The following CDS2 variants were observed in gnomAD, a reference collection of about 807,000 sequenced individuals.
CDS2 encodes phosphatidate cytidylyltransferase 2.
In CDS2, 47 loss-of-function variants were observed where a neutral mutation model predicts 59.0. That is an observed-to-expected ratio of 0.80 (90% CI 0.63 to 1.02). The LOEUF is 1.02. Among genes scored for constraint, CDS2 ranks in the 50% least tolerant of loss-of-function variants. The probability of loss-of-function intolerance (pLI) is 0.00; values close to 1 mark genes in which losing one functional copy is unlikely to be tolerated. For missense variants in CDS2, 356 were observed against 558.9 expected (o/e 0.64, Z 3.66); for synonymous variants, 207 against 206.4 (o/e 1.00, Z -0.02).
At chr20:5,136,066 G>A (rs919279818) in intron 1 of CDS2, among the ~76,000 whole-genome samples, 18 of 152,200 alleles carry the variant, frequency 1.2e-4, no homozygotes, top group East Asian at 3.9e-4. Context: ...TGGGATTTAC[G>A]GGCAACACTC....
In CDS2 at chr20:5,189,723, T is replaced by C; in HGVS notation, c.1102-12T>C. ...AGCCCAAGTTCACCCATCCTTCCCC[T>C]GCCTCTAACAGGACTTTGCCAATAC... On this transcript the variant is annotated splice_polypyrimidine_tract_variant and intron_variant, in intron 11 of 12. Transcript: ENST00000460006. 2 of 1,608,218 alleles carry C rather than the reference T, an allele frequency of 1.2e-6. No homozygotes were observed. Among genetic ancestry groups the C allele is most frequent in the Non-Finnish European group, 1.7e-6 (2 of 1,175,212 alleles).
At chr20:5,186,662 C>T (rs751479274) in intron 9 of CDS2, 25 bp from the exon 10 acceptor site, 29 of 1,611,582 alleles carry the variant, frequency 1.8e-5, no homozygotes, top group African/African-American at 9.3e-5. Context: ...ACTTCCTTGC[C>T]GGTCTCTCTG....
intron 1 of CDS2, among the ~76,000 whole-genome samples, chr20:5,149,890 A>G (rs1238154958): frequency 1.3e-5 from 2 of 151,266 alleles, no homozygotes; most frequent in African/African-American, 2.4e-5. Context: ...TAATTTTTAT[A>G]TTTGTAGTAG....
At position 5,190,084 on chromosome 20, in the gene CDS2, C is replaced by G; in HGVS notation, c.1206-18C>G. On this transcript the variant is annotated intron_variant, in intron 12 of 12. Transcript: ENST00000460006. ...TCCGGGCCCTAGCTCAGTGCTGTTT[C>G]TTCACATTCTGTTCCAGAGGCCCTA... 6.2e-7 allele frequency: 1 copy of G among 1,613,202 alleles called. No homozygotes were observed. Among genetic ancestry groups the G allele is most frequent in the Non-Finnish European group, 8.5e-7 (1 of 1,179,214 alleles).
At chr20:5,133,658 A>T (rs2090625747) in intron 1 of CDS2, among the ~76,000 whole-genome samples, 1 of 152,072 alleles carries the variant, frequency 6.6e-6, no homozygotes, top group Admixed American at 6.6e-5. Context: ...CTCCTGAGTA[A>T]CTGGGATTAC....
intron 12 of CDS2, 118 bp downstream of exon 12, chr20:5,189,956 G>A: frequency 7.4e-7 from 1 of 1,352,198 alleles, no homozygotes; most frequent in Non-Finnish European, 1.0e-6. Flanking sequence ...GTTTTCAGTT[G>A]TTTCTGCTTA....
chr20:5,135,685 T>C (rs904373173), intron 1 of CDS2, among the ~76,000 whole-genome samples: 2 of 152,182 alleles, frequency 1.3e-5, no homozygotes, highest in African/African-American at 2.4e-5. Flanking sequence ...CTGATATTTG[T>C]TCTCATGTTG....
chr20:5,167,933 C>G (rs1157802568), intron 1 of CDS2, among the ~76,000 whole-genome samples: 2 of 152,126 alleles, frequency 1.3e-5, no homozygotes, highest in Non-Finnish European at 2.9e-5. Flanking sequence ...AGGCATAACC[C>G]ACCAGTGCCT....
intron 1 of CDS2, among the ~76,000 whole-genome samples, chr20:5,142,354 G>C (rs2122971917): frequency 6.6e-6 from 1 of 152,158 alleles, no homozygotes; most frequent in Admixed American, 6.5e-5. Context: ...GGTTGAGGCA[G>C]GATAATCGCT....
chr20:5,145,822 G>GGTTTTTTTTTTTTTTTTTTT (rs773575866), intron 1 of CDS2, among the ~76,000 whole-genome samples: 1 of 129,264 alleles, frequency 7.7e-6, no homozygotes, highest in South Asian at 2.5e-4. Flanking sequence ...TGCTTTTTGT[G>GGTTTTTTTTTTTTTTTTTTT]TTTTTTTTTT....
chr20:5,136,050 G>A (rs1487001166), intron 1 of CDS2, among the ~76,000 whole-genome samples: 2 of 152,162 alleles, frequency 1.3e-5, no homozygotes, highest in Non-Finnish European at 2.9e-5. Context: ...GAGAGTTCCT[G>A]GGACTTGGGA....
intron 1 of CDS2, among the ~76,000 whole-genome samples, chr20:5,136,733 C>G (rs1185502312): frequency 5.3e-5 from 8 of 152,082 alleles, no homozygotes; most frequent in Non-Finnish European, 1.2e-4. Context: ...AGAATTCTGG[C>G]TCTTTTTCAT....
intron 4 of CDS2, among the ~76,000 whole-genome samples, chr20:5,177,193 T>A (rs943841483): frequency 6.6e-6 from 1 of 152,118 alleles, no homozygotes; most frequent in Non-Finnish European, 1.5e-5. Flanking sequence ...TTTTTCTAGA[T>A]CAGTATATTT....
In CDS2 at chr20:5,130,797, G is replaced by GAA. The variant is rs1393314303; in HGVS notation, c.57+3651_57+3652dup. On this transcript the variant is annotated intron_variant, in intron 1 of 12. Coordinates refer to ENST00000460006, the MANE Select transcript of CDS2 (RefSeq NM_003818.4). Reference sequence around the variant, plus strand: ...AGCCAAACAACGTCTTAAAAGAAAAGAAAAGCTCTGGAGGCTGGGCGTGGT... The same window carrying GAA: ...AGCCAAACAACGTCTTAAAAGAAAAGAAAAAAGCTCTGGAGGCTGGGCGTGGT... 2.1e-5 allele frequency among the ~76,000 whole-genome samples: 3 copies of GAA among 145,068 alleles called. No individual in the cohort carries two copies. In the East Asian group the frequency reaches 6.4e-4, roughly 31 times the overall value.
Position 5,196,062 on chromosome 20 carries a change from T to G in CDS2, c.*5828T>G, listed in dbSNP as rs2091155086. On this transcript the variant is annotated 3_prime_UTR_variant, in exon 13 of 13. Coordinates refer to ENST00000460006, the MANE Select transcript of CDS2 (RefSeq NM_003818.4). ...GTCAGTTGAATAATAACTGAACTAC[T>G]GGTTTGACTGTGGATTATTTCCTGG... is the stretch of plus-strand genomic sequence containing the variant. The G allele has an allele frequency of 6.6e-6, 1 of 152,202 alleles. No homozygotes were observed. Among genetic ancestry groups the G allele is most frequent in the Admixed American group, 6.5e-5 (1 of 15,278 alleles). 9.4% of individuals were successfully genotyped at this position (152,202 alleles called of 1,614,324 possible).
At chr20:5,132,749 T>C (rs1014232242) in intron 1 of CDS2, among the ~76,000 whole-genome samples, 2 of 152,218 alleles carry the variant, frequency 1.3e-5, no homozygotes, top group African/African-American at 4.8e-5. Flanking sequence ...TTTTTGTTGC[T>C]CAAACAGTAT....
chr20:5,187,371 A>T (rs1013027742), intron 10 of CDS2: 3 of 162,996 alleles, frequency 1.8e-5, no homozygotes, highest in African/African-American at 7.2e-5. Context: ...AATGGAAAGT[A>T]TGTGTAAAAC....
chr20:5,135,454 G>GTATCA (rs2090642211), intron 1 of CDS2, among the ~76,000 whole-genome samples: 1 of 149,598 alleles, frequency 6.7e-6, no homozygotes, highest in African/African-American at 2.6e-5. Context: ...AGCTGTTTGT[G>GTATCA]TGTCATACTG....
chr20:5,145,822 GTTTTTTT>G (rs11470811), intron 1 of CDS2, among the ~76,000 whole-genome samples: 12 of 129,254 alleles, frequency 9.3e-5, no homozygotes, highest in African/African-American at 3.6e-4. Context: ...TGCTTTTTGT[GTTTTTTT>G]TTTTTTTTTT....
Sources: gnomAD v4.1 joint callset for allele counts (sites outside exome capture counted in the v4.1 genomes callset) on GRCh38, gnomAD v4.1.1 for gene constraint, MANE v1.5 for transcripts, NCBI Gene and HGNC (gene_info 2026-07-23, HGNC 2026-07-21) for gene names.